The following DHRS2 variants were observed in gnomAD, a reference collection of about 807,000 sequenced individuals.
DHRS2 encodes the protein dehydrogenase/reductase 2, also known as dehydrogenase/reductase SDR family member 2, mitochondrial.
In DHRS2, 29 loss-of-function variants were observed where a neutral mutation model predicts 26.3. That is an observed-to-expected ratio of 1.10 (90% CI 0.82 to 1.50). The LOEUF (loss-of-function observed/expected upper bound fraction) is 1.50, where lower values mean the gene tolerates loss of function less well. Among genes scored for constraint, DHRS2 ranks in the 40% most tolerant of loss-of-function variants. The pLI is 0.00. For missense variants in DHRS2, 439 were observed against 367.1 expected (o/e 1.20, Z -1.60); for synonymous variants, 164 against 151.3 (o/e 1.08, Z -0.62).
At chr14:23,635,634 T>C (rs1890251926), upstream of DHRS2, among the ~76,000 whole-genome samples, 1 of 152,216 alleles carries the variant, frequency 6.6e-6, no homozygotes, top group Admixed American at 6.5e-5. Context: ...AAGTGAGAGG[T>C]GACAATATGC....
At chr14:23,640,433 T>G in intron 4 of DHRS2, 1 of 985,456 alleles carries the variant, frequency 1.0e-6, no homozygotes, top group Non-Finnish European at 1.2e-6. Context: ...CAGCCTGCTG[T>G]AAGTCCATTC....
At chr14:23,644,274 G>A (rs1460112705) in intron 6 of DHRS2, 112 bp downstream of exon 6, 23 of 1,549,902 alleles carry the variant, frequency 1.5e-5, no homozygotes, top group Non-Finnish European at 1.9e-5. Context: ...CCATCCTCCT[G>A]CTGCCCTGGG....
upstream of DHRS2, among the ~76,000 whole-genome samples, chr14:23,631,556 C>A (rs182069320): frequency 7.9e-5 from 12 of 151,962 alleles, no homozygotes; most frequent in East Asian, 3.9e-4. Flanking sequence ...CTACCCCCCC[C>A]ACCCCTTTCC....
In DHRS2 at chr14:23,645,137, T is replaced by C. The variant is rs1890825452; in HGVS notation, c.732-5T>C. ...TGCTTGACACTGTGTCCTTCTTCCA[T>C]CCAGGATTGGGGAGTCAGAGGACTG... On this transcript the variant is annotated splice_region_variant and splice_polypyrimidine_tract_variant and intron_variant, in intron 8 of 8. Transcript: ENST00000250383. 1.2e-6 allele frequency: 2 copies of C among 1,614,044 alleles called. No individual in the cohort carries two copies. Among genetic ancestry groups the C allele is most frequent in the Non-Finnish European group, 8.5e-7 (1 of 1,179,914 alleles).
In DHRS2 at chr14:23,644,463, C is replaced by T; in HGVS notation, c.595C>T (p.Leu199=). 1 of 1,614,218 alleles carries T rather than the reference C, an allele frequency of 6.2e-7. No homozygotes were observed. Among genetic ancestry groups the T allele is most frequent in the Non-Finnish European group, 8.5e-7 (1 of 1,180,044 alleles). The change falls in exon 7 of 9, where the codon CTG becomes TTG. Residue 199 remains leucine (L), a synonymous_variant. Coordinates refer to ENST00000250383, the MANE Select transcript of DHRS2 (RefSeq NM_005794.4). ...KTALLGLTRT[L]ALELAPKDIR... is the part of the protein sequence containing the mutation. ...AGCGCTGCTGGGTCTCACTAGAACACTGGCATTGGAGCTGGCCCCCAAGGA... is the reference window on the plus strand; with the variant it reads ...AGCGCTGCTGGGTCTCACTAGAACATTGGCATTGGAGCTGGCCCCCAAGGA...
intron 1 of DHRS2, among the ~76,000 whole-genome samples, chr14:23,630,990 T>C (rs1326332723): frequency 6.6e-6 from 1 of 152,134 alleles, no homozygotes; most frequent in African/African-American, 2.4e-5. Flanking sequence ...GATAATAGAT[T>C]GTAAATATTT....
Position 23,638,845 on chromosome 14 carries a change from C to T in DHRS2, c.-20C>T. On this transcript the variant is annotated 5_prime_UTR_variant, in exon 2 of 9. Transcript: ENST00000250383. ...CCCCCAGGCCTGATTCAGCAGGAAGCATCTCAGACACCAACCACTATGCTG... is the reference window on the plus strand; with the variant it reads ...CCCCCAGGCCTGATTCAGCAGGAAGTATCTCAGACACCAACCACTATGCTG... 6.2e-7 allele frequency: 1 copy of T among 1,608,844 alleles called. No homozygotes were observed. Among genetic ancestry groups the T allele is most frequent in the East Asian group, 2.2e-5 (1 of 44,734 alleles).
At chr14:23,634,152 C>T (rs1890201606), upstream of DHRS2, among the ~76,000 whole-genome samples, 1 of 145,856 alleles carries the variant, frequency 6.9e-6, no homozygotes. Context: ...ACTGCAACCT[C>T]CAACTCCTGG....
chr14:23,638,651 G>T, intron 1 of DHRS2, 176 bp from the exon 2 acceptor site: 1 of 583,202 alleles, frequency 1.7e-6, no homozygotes, highest in Non-Finnish European at 3.0e-6. Flanking sequence ...TAGCTTAGGA[G>T]TTTTCATGGA....
At chr14:23,630,882 G>A (rs1194619938) in intron 1 of DHRS2, among the ~76,000 whole-genome samples, 2 of 152,192 alleles carry the variant, frequency 1.3e-5, no homozygotes, top group African/African-American at 4.8e-5. Flanking sequence ...AAAGAGTTGA[G>A]GTCAATAGAA....
At chr14:23,641,484 G>C (rs1288906877) in intron 4 of DHRS2, 14 of 625,276 alleles carry the variant, frequency 2.2e-5, no homozygotes, top group Middle Eastern at 5.1e-4. Flanking sequence ...TTCATCAAGG[G>C]AGGGAGTCTC....
upstream of DHRS2, among the ~76,000 whole-genome samples, chr14:23,634,059 CTTT>C (rs58045171): frequency 4.1e-3 from 335 of 82,446 alleles, 1 homozygote; most frequent in African/African-American, 0.015. Context: ...TTTGCCCCTT[CTTT>C]TTTTTTTTTT....
chr14:23,637,777 C>T (rs899638725), intron 1 of DHRS2, among the ~76,000 whole-genome samples: 8 of 152,138 alleles, frequency 5.3e-5, no homozygotes, highest in Non-Finnish European at 8.8e-5. Context: ...ATTGTAAATG[C>T]ACCAATCAGC....
intron 3 of DHRS2, 111 bp downstream of exon 3, chr14:23,639,467 AC>A: frequency 7.2e-7 from 1 of 1,393,204 alleles, no homozygotes; most frequent in Non-Finnish European, 9.4e-7. Flanking sequence ...CCATGACTGC[AC>A]CCAGGCTGCC....
At position 23,639,001 on chromosome 14, in the gene DHRS2, G is replaced by C. The variant is rs778634375; in HGVS notation, c.137G>C (p.Ser46Thr). 2.5e-6 allele frequency: 4 copies of C among 1,612,828 alleles called. No homozygotes were observed. The highest frequency in any genetic ancestry group is 3.4e-6 in the Non-Finnish European group (4 of 1,179,938). ...GTAGCCGTGGTCACGGGGTCCACCA[G>C]TGGGTGAGTGCTGGATTGCCCATGG... ...NRVAVVTGST[S>T]GIGFAIARRL... Residue 46 changes from serine to threonine, a missense_variant, in exon 2 of 9, where the codon AGT (serine) becomes ACT (threonine). Coordinates refer to ENST00000250383, the MANE Select transcript of DHRS2 (RefSeq NM_005794.4).
chr14:23,645,083 C>A lies in DHRS2; in HGVS notation c.732-59C>A, dbSNP rs1399703681. The A allele has an allele frequency of 7.5e-6, 12 of 1,608,284 alleles. No individual in the cohort carries two copies. The Admixed American group carries it at 1.0e-4, about 13-fold the overall frequency. On this transcript the variant is annotated intron_variant, in intron 8 of 8. Transcript: ENST00000250383. ...CCCACTCCCACCTGTCATCCGTGAG[C>A]CCCAGAGCAGCAGAATCAGAGTACA...
chr14:23,637,534 G>T (rs964926339), intron 1 of DHRS2, among the ~76,000 whole-genome samples: 1 of 152,074 alleles, frequency 6.6e-6, no homozygotes, highest in Non-Finnish European at 1.5e-5. Flanking sequence ...CCTCCCTCAG[G>T]TTACTCTTCT....
chr14:23,638,781 G>C, intron 1 of DHRS2, 46 bp from the exon 2 acceptor site: 1 of 1,524,052 alleles, frequency 6.6e-7, no homozygotes, highest in Non-Finnish European at 8.9e-7. Flanking sequence ...TTACCTTCAT[G>C]CTCACTGAGG....
upstream of DHRS2, among the ~76,000 whole-genome samples, chr14:23,635,514 C>T (rs1458959005): frequency 6.6e-6 from 1 of 152,254 alleles, no homozygotes; most frequent in South Asian, 2.1e-4. Context: ...AGTCAGAGAT[C>T]TTTATTTTCA....
Sources: allele counts gnomAD v4.1 joint callset (sites outside exome capture counted in the v4.1 genomes callset), GRCh38; gene constraint gnomAD v4.1.1; transcripts MANE v1.5; gene names NCBI Gene and HGNC (gene_info 2026-07-23, HGNC 2026-07-21).